CCDC141: variants seen among roughly 807,000 people sequenced by gnomAD.
CCDC141 encodes the protein coiled-coil domain-containing protein 141.
A neutral mutation model predicts 181.0 loss-of-function variants in CCDC141; 168 were observed. That is an observed-to-expected ratio of 0.93 (90% confidence interval 0.82 to 1.05). CCDC141 has a LOEUF of 1.05. CCDC141 is among the 50% of genes least tolerant of loss of function. CCDC141 has a pLI of 0.00. For missense variants in CCDC141, 1,902 were observed against 1,788.5 expected, an observed-to-expected ratio of 1.06 and a Z score of -1.14; for synonymous variants, 666 against 642.3, an observed-to-expected ratio of 1.04 and a Z score of -0.56.
At chr2:178,942,001 AG>A (rs1689542988) in intron 6 of CCDC141, among the ~76,000 whole-genome samples, 4 of 141,782 alleles carry the variant, frequency 2.8e-5, no homozygotes, top group Non-Finnish European at 4.6e-5. Flanking sequence ...AAAAAAAAAA[AG>A]GGAAAAGAAA....
rs144780937 is a variant in CCDC141, at chr2:179,039,452, A to T, written c.225+7832T>A. 8.2e-3 allele frequency among the ~76,000 whole-genome samples: 1,246 copies of T among 152,254 alleles called. 5 individuals are homozygous for T. The highest frequency in any genetic ancestry group is 0.018 in the African/African-American group (768 of 41,570). On this transcript the variant is annotated intron_variant, in intron 2 of 23. Transcript: ENST00000443758. ...TGCCACTTTTTCTTTGAAAAGCAGCATGTACTTCCATATATTATTGTATTT... is the reference window on the plus strand; with the variant it reads ...TGCCACTTTTTCTTTGAAAAGCAGCTTGTACTTCCATATATTATTGTATTT...
chr2:178,821,100 C>CCAG, the CCDC141 span, among the ~76,000 whole-genome samples: 1 of 130,578 alleles, frequency 7.7e-6, no homozygotes, highest in African/African-American at 3.3e-5. Context: ...TTTTCATCAA[C>CCAG]TAGCTATATT....
intron 8 of CCDC141, among the ~76,000 whole-genome samples, chr2:178,902,783 G>A (rs1330264230): frequency 6.7e-6 from 1 of 149,680 alleles, no homozygotes; most frequent in Non-Finnish European, 1.5e-5. Context: ...AAGAGCTTCT[G>A]CACAGCAAAA....
At chr2:178,985,633 A>G (rs1168726394) in intron 2 of CCDC141, among the ~76,000 whole-genome samples, 2 of 152,096 alleles carry the variant, frequency 1.3e-5, no homozygotes, top group African/African-American at 4.8e-5. Flanking sequence ...GATAAAGGGG[A>G]TATCACCACC....
intron 8 of CCDC141, among the ~76,000 whole-genome samples, chr2:178,893,183 G>A (rs1363586842): frequency 6.6e-6 from 1 of 151,400 alleles, no homozygotes; most frequent in Admixed American, 6.6e-5. Context: ...TATTCATTGA[G>A]CCAATAGAGG....
Position 179,009,189 on chromosome 2 carries a change from CT to C in CCDC141, c.226-30515del, listed in dbSNP as rs1425640323. ...TGAGGAAGACTTTCTTGATTTCCCC[CT>C]ATACCCTCCTTTTCCTTGTAACTAT... On this transcript the variant is annotated intron_variant, in intron 2 of 23. Coordinates refer to ENST00000443758, the MANE Select transcript of CCDC141 (RefSeq NM_173648.4). 6.6e-5 allele frequency among the ~76,000 whole-genome samples: 10 copies of C among 152,296 alleles called. No individual in the cohort carries two copies. In the South Asian group the frequency reaches 8.3e-4, roughly 13 times the overall value.
rs186331250 is a variant in CCDC141, at chr2:178,886,767, T to G, written c.1512A>C (p.Leu504=). Residue 504 remains leucine (L), a synonymous_variant, in exon 10 of 24, where the codon CTA becomes CTC. Coordinates refer to ENST00000443758, the MANE Select transcript of CCDC141 (RefSeq NM_173648.4). ...TTTTATTTACCTTAGCTTGGATATC[T>G]AGTTCCAGATATTTATTCAAAATCT... ...SEKILNKYLE[L]DIQAKETSHE... is the part of the protein sequence containing the mutation. 3.9e-5 allele frequency: 56 copies of G among 1,445,582 alleles called. No homozygotes were observed. The East Asian group carries it at 1.4e-3, about 35-fold the overall frequency. The allele number at this position is 1,445,582 out of a possible 1,614,324, so 89.5% of individuals were successfully genotyped here.
chr2:179,018,117 T>C (rs1240727517), intron 2 of CCDC141, among the ~76,000 whole-genome samples: 1 of 152,166 alleles, frequency 6.6e-6, no homozygotes, highest in Non-Finnish European at 1.5e-5. Context: ...TCTTTTTAAG[T>C]GTGGCTTTGA....
chr2:178,871,386 A>G, intron 14 of CCDC141, 41 bp downstream of exon 14: 2 of 1,590,634 alleles, frequency 1.3e-6, no homozygotes, highest in Non-Finnish European at 1.7e-6. Flanking sequence ...AGTTTTAAGT[A>G]TTTTTTCCAT....
At chr2:178,900,597 G>C (rs946789514) in intron 8 of CCDC141, among the ~76,000 whole-genome samples, 3 of 152,084 alleles carry the variant, frequency 2.0e-5, no homozygotes, top group Non-Finnish European at 2.9e-5. Context: ...TTACAAAATG[G>C]ATGGCTAAAA....
intron 6 of CCDC141, among the ~76,000 whole-genome samples, chr2:178,928,580 A>C (rs1309672150): frequency 2.0e-5 from 3 of 152,178 alleles, no homozygotes; most frequent in South Asian, 4.1e-4. Flanking sequence ...ATATATGAGG[A>C]ATTTTTGTAA....
intron 2 of CCDC141, among the ~76,000 whole-genome samples, chr2:178,981,636 G>GTATATATATATATATGTATA (rs1553495301): frequency 8.0e-5 from 5 of 62,404 alleles, no homozygotes; most frequent in African/African-American, 2.7e-4. Context: ...GTGTGTGTGT[G>GTATATATATATATATGTATA]TATATATATA....
intron 12 of CCDC141, chr2:178,875,710 A>C (rs1686329486): frequency 6.6e-6 from 1 of 152,204 alleles, no homozygotes; most frequent in Non-Finnish European, 1.5e-5. Context: ...AAGAAACAGA[A>C]TTTCATCAGT....
intron 21 of CCDC141, among the ~76,000 whole-genome samples, chr2:178,848,507 C>A (rs192077239): frequency 1.2e-4 from 19 of 152,212 alleles, no homozygotes; most frequent in Non-Finnish European, 2.6e-4. Context: ...AGAATGCAAT[C>A]CTGACTACAC....
chr2:178,961,528 C>T, intron 4 of CCDC141, 45 bp from the exon 5 acceptor site: 1 of 1,404,080 alleles, frequency 7.1e-7, no homozygotes, highest in Non-Finnish European at 9.7e-7. Context: ...TATTAGCAAG[C>T]TTTTATACAG....
chr2:178,853,420 A>T (rs745883762), intron 20 of CCDC141, 21 bp downstream of exon 20: 2 of 1,609,170 alleles, frequency 1.2e-6, no homozygotes, highest in Non-Finnish European at 8.5e-7. Flanking sequence ...CAATCACTGG[A>T]TATCTTAAAA....
intron 2 of CCDC141, among the ~76,000 whole-genome samples, chr2:179,015,081 T>TA (rs2042397421): frequency 2.8e-5 from 1 of 36,048 alleles, no homozygotes; most frequent in Non-Finnish European, 7.4e-5. Flanking sequence ...TATATATATA[T>TA]ATATATATAT....
At chr2:178,961,038 GA>G (rs796470750) in intron 5 of CCDC141, among the ~76,000 whole-genome samples, 191 bp downstream of exon 5, 1 of 152,046 alleles carries the variant, frequency 6.6e-6, no homozygotes. Flanking sequence ...ACAGTATAAT[GA>G]AAAAAATGCA....
chr2:178,931,479 A>G (rs1226320664), intron 6 of CCDC141, among the ~76,000 whole-genome samples: 1 of 152,238 alleles, frequency 6.6e-6, no homozygotes, highest in Non-Finnish European at 1.5e-5. Flanking sequence ...ACAATGGAAT[A>G]TTATTCAGCC....
Sources: allele counts gnomAD v4.1 joint callset (sites outside exome capture counted in the v4.1 genomes callset), GRCh38; gene constraint gnomAD v4.1.1; transcripts MANE v1.5; gene names NCBI Gene and HGNC (gene_info 2026-07-23, HGNC 2026-07-21).